The following EVI5 variants were observed in gnomAD, a reference collection of about 807,000 sequenced individuals.
EVI5 encodes ecotropic viral integration site 5, also known as ecotropic viral integration site 5 protein homolog.
Under a neutral mutation model 112.0 loss-of-function variants are expected in EVI5, and 73 were observed. The observed-to-expected ratio is 0.65, with a 90% CI of 0.54 to 0.79. The LOEUF is 0.79. Ranked by LOEUF, EVI5 falls within the 30% of genes least tolerant of loss-of-function variation. The pLI is 0.00. For synonymous variants in EVI5, 305 were observed against 319.9 expected (o/e 0.95, Z 0.50); for missense variants, 900 against 968.8 (o/e 0.93, Z 0.94).
intron 1 of EVI5, among the ~76,000 whole-genome samples, chr1:92,779,446 C>T (rs13374365): frequency 0.026 from 3,930 of 151,764 alleles, 148 homozygotes; most frequent in African/African-American, 0.081. Context: ...CGCTTGTACC[C>T]GGAAGATGGT....
At chr1:92,768,350 G>A (rs999519006) in intron 1 of EVI5, among the ~76,000 whole-genome samples, 10 of 152,062 alleles carry the variant, frequency 6.6e-5, no homozygotes, top group African/African-American at 2.4e-4. Context: ...GACTGCAAGA[G>A]GTTTTTTTAA....
At chr1:92,587,490 T>C (rs998548744) in intron 18 of EVI5, among the ~76,000 whole-genome samples, 2 of 151,736 alleles carry the variant, frequency 1.3e-5, no homozygotes, top group African/African-American at 2.4e-5. Flanking sequence ...AGTAATGTCA[T>C]GGTAATTTCA....
intron 19 of EVI5, among the ~76,000 whole-genome samples, chr1:92,546,700 A>AAAAT (rs1412943465): frequency 6.6e-6 from 1 of 152,100 alleles, no homozygotes; most frequent in Non-Finnish European, 1.5e-5. Context: ...TATCTCAAAA[A>AAAAT]AAATAAATAA....
chr1:92,778,739 TAGAAATC>T (rs1684477516), intron 1 of EVI5, among the ~76,000 whole-genome samples: 2 of 152,188 alleles, frequency 1.3e-5, no homozygotes, highest in Admixed American at 6.5e-5. Flanking sequence ...TCTTCGGAGA[TAGAAATC>T]AGAATAGTGG....
chr1:92,736,736 T>C, intron 1 of EVI5, 109 bp from the exon 2 acceptor site: 1 of 783,664 alleles, frequency 1.3e-6, no homozygotes, highest in Non-Finnish European at 2.1e-6. Context: ...GAATATTCTC[T>C]TTGAGGAAGT....
At chr1:92,611,669 A>T (rs1651837300) in intron 16 of EVI5, among the ~76,000 whole-genome samples, 1 of 142,374 alleles carries the variant, frequency 7.0e-6, no homozygotes, top group South Asian at 2.2e-4. Context: ...ACTGCACTCC[A>T]GCCTGGGTGA....
chr1:92,548,850 C>T (rs908785778), intron 19 of EVI5, among the ~76,000 whole-genome samples: 9 of 152,122 alleles, frequency 5.9e-5, no homozygotes, highest in Admixed American at 1.3e-4. Context: ...TAAAAGAGGA[C>T]ACAAACAAAT....
intron 2 of EVI5, among the ~76,000 whole-genome samples, chr1:92,726,807 G>C (rs1445756033): frequency 6.6e-6 from 1 of 152,138 alleles, no homozygotes; most frequent in Admixed American, 6.5e-5. Context: ...ATGCAAGTGT[G>C]CTATTATAAG....
chr1:92,637,548 G>C (rs1659134081), intron 13 of EVI5, among the ~76,000 whole-genome samples: 1 of 152,086 alleles, frequency 6.6e-6, no homozygotes, highest in Non-Finnish European at 1.5e-5. Flanking sequence ...TTTTAAGCCA[G>C]TGCCCATAGA....
At chr1:92,679,964 C>T (rs573924557) in intron 9 of EVI5, among the ~76,000 whole-genome samples, 1 of 152,268 alleles carries the variant, frequency 6.6e-6, no homozygotes, top group African/African-American at 2.4e-5. Flanking sequence ...GGAGTACACA[C>T]CAGGTTTTTC....
chr1:92,711,644 G>C (rs1361780192), intron 2 of EVI5, among the ~76,000 whole-genome samples: 1 of 152,058 alleles, frequency 6.6e-6, no homozygotes, highest in Non-Finnish European at 1.5e-5. Context: ...GACAGAGCAA[G>C]ACCCTGTTTC....
intron 9 of EVI5, among the ~76,000 whole-genome samples, chr1:92,678,949 T>C (rs188174587): frequency 5.3e-5 from 8 of 152,272 alleles, no homozygotes; most frequent in Admixed American, 5.2e-4. Context: ...ACTCTGTCTC[T>C]CACTAAAGTG....
chr1:92,629,084 GAC>G (rs1557938271), intron 14 of EVI5, among the ~76,000 whole-genome samples: 1 of 152,300 alleles, frequency 6.6e-6, no homozygotes, highest in East Asian at 1.9e-4. Context: ...CTAATTGTAA[GAC>G]ACAGATTCTG....
rs530714632 is a variant in EVI5, at chr1:92,646,752, A to G, written c.1393-10416T>C. Among the ~76,000 whole-genome samples, 40 of 152,340 alleles carry G rather than the reference A, an allele frequency of 2.6e-4. No individual in the cohort carries two copies. The East Asian group carries it at 7.5e-3, about 29-fold the overall frequency. The stretch of plus-strand genomic sequence containing the variant: ...TCTTTAAATGCTTTGTCACACCAAC[A>G]GCAAAGTGCATAGAGTGAGGAAAAC... On this transcript the variant is annotated intron_variant, in intron 13 of 19. Transcript: ENST00000684568.
intron 1 of EVI5, among the ~76,000 whole-genome samples, chr1:92,746,916 T>A (rs569856052): frequency 5.3e-5 from 8 of 151,814 alleles, no homozygotes; most frequent in African/African-American, 1.9e-4. Context: ...AAAAGTTTTT[T>A]TAAAAAAGAA....
At chr1:92,558,837 TAA>T (rs35604457) in intron 19 of EVI5, among the ~76,000 whole-genome samples, 62 of 120,670 alleles carry the variant, frequency 5.1e-4, no homozygotes, top group Admixed American at 6.8e-4. Context: ...CCCCCATCTC[TAA>T]AAAAAAAAAA....
chr1:92,722,514 G>A (rs1272536307), intron 2 of EVI5, among the ~76,000 whole-genome samples: 2 of 133,532 alleles, frequency 1.5e-5, no homozygotes, highest in East Asian at 2.2e-4. Flanking sequence ...CCCTTCCTGT[G>A]TCCATGTGTT....
chr1:92,633,864 A>C (rs1168973008), intron 14 of EVI5, among the ~76,000 whole-genome samples: 4 of 152,242 alleles, frequency 2.6e-5, no homozygotes, highest in African/African-American at 9.6e-5. Context: ...GAGCTCTTTT[A>C]GGGCAGGCCT....
chr1:92,770,562 G>A (rs957878811), intron 1 of EVI5, among the ~76,000 whole-genome samples: 1 of 151,990 alleles, frequency 6.6e-6, no homozygotes, highest in African/African-American at 2.4e-5. Flanking sequence ...AGGCCAAGGC[G>A]GGCTGATCAC....
Sources: gnomAD v4.1 joint callset for allele counts (sites outside exome capture counted in the v4.1 genomes callset) on GRCh38, gnomAD v4.1.1 for gene constraint, MANE v1.5 for transcripts, NCBI Gene and HGNC (gene_info 2026-07-23, HGNC 2026-07-21) for gene names.